The following SS18L1 variants were observed in gnomAD, a reference collection of about 807,000 sequenced individuals.
SS18L1 encodes the protein calcium-responsive transactivator.
A neutral mutation model predicts 70.3 loss-of-function variants in SS18L1; 32 were observed. The observed-to-expected ratio is 0.46, with a 90% CI of 0.34 to 0.61. The LOEUF is 0.61. Ranked by LOEUF, SS18L1 falls within the 20% of genes least tolerant of loss-of-function variation. The probability of loss-of-function intolerance (pLI) is 0.01; values close to 1 mark genes in which losing one functional copy is unlikely to be tolerated. For missense variants in SS18L1, 430 were observed against 542.1 expected (o/e 0.79, Z 2.05); for synonymous variants, 237 against 229.7 (o/e 1.03, Z -0.29).
At position 62,161,999 on chromosome 20, in the gene SS18L1, C is replaced by G. The variant is rs575808929; in HGVS notation, c.376+419C>G. On this transcript the variant is annotated intron_variant, in intron 4 of 10. Coordinates refer to ENST00000331758, the MANE Select transcript of SS18L1 (RefSeq NM_198935.3). This position sits in a 1 kb window ranked among gnomAD's most constrained non-coding sequence, Gnocchi z 4.4. ...CCTTTGTGAGGCCTAAACCAGCAGA[C>G]TACTTGAGGCCAGGAGTTTGAGACC... Among the ~76,000 whole-genome samples, 3 of 152,276 alleles carry G rather than the reference C, an allele frequency of 2.0e-5. No individual in the cohort carries two copies. In the South Asian group the frequency reaches 6.2e-4, roughly 32 times the overall value.
intron 1 of SS18L1, among the ~76,000 whole-genome samples, chr20:62,153,945 C>T (rs147791289): frequency 1.1e-4 from 17 of 152,312 alleles, no homozygotes; most frequent in African/African-American, 3.9e-4. Context: ...GGCATGTTAA[C>T]GCCACCTCAC....
intron 1 of SS18L1, among the ~76,000 whole-genome samples, chr20:62,146,487 A>T (rs1242995624): frequency 6.6e-6 from 1 of 152,000 alleles, no homozygotes; most frequent in Non-Finnish European, 1.5e-5. Flanking sequence ...AGTTCTGGAG[A>T]CCAGAAGTCC....
In SS18L1 at chr20:62,161,281, C is replaced by A; in HGVS notation, c.232-155C>A. On this transcript the variant is annotated intron_variant, in intron 3 of 10. Coordinates refer to ENST00000331758, the MANE Select transcript of SS18L1 (RefSeq NM_198935.3). The surrounding 1 kb of genome is among the most constrained non-coding windows in gnomAD (Gnocchi z 4.4). Reference sequence around the variant, plus strand: ...TCTGGGCCTGGTGCTCTGCGGTCACCTGGCTGTGACGATGGCTGCTGATTA... The same window carrying A: ...TCTGGGCCTGGTGCTCTGCGGTCACATGGCTGTGACGATGGCTGCTGATTA... 1 of 1,046,526 alleles carries A rather than the reference C, an allele frequency of 9.6e-7. No homozygotes were observed. Among genetic ancestry groups the A allele is most frequent in the Non-Finnish European group, 1.4e-6 (1 of 698,450 alleles). The allele number at this position is 1,046,526 out of a possible 1,614,324, so 64.8% of individuals were successfully genotyped here. A position where few individuals can be genotyped will look rare whatever the true frequency, so the allele number is the denominator to read the frequency against.
chr20:62,182,356 CTTG>C lies in SS18L1; in HGVS notation c.*3151_*3153del, dbSNP rs566407566. 5.2e-4 allele frequency: 107 copies of C among 207,318 alleles called. 1 individual carries two copies. Among genetic ancestry groups the C allele is most frequent in the Admixed American group, 3.6e-3 (60 of 16,834 alleles). 12.8% of individuals were successfully genotyped at this position (207,318 alleles called of 1,614,324 possible). On this transcript the variant is annotated 3_prime_UTR_variant, in exon 11 of 11. Transcript: ENST00000331758. ...TATTTATTGAACAGGTCAAATTTGT[CTTG>C]TTATTTGTGAGTACAGTACATTTAA...
chr20:62,144,758 AAGAC>A (rs546638841), intron 1 of SS18L1, among the ~76,000 whole-genome samples: 40 of 152,378 alleles, frequency 2.6e-4, no homozygotes, highest in African/African-American at 8.9e-4. Flanking sequence ...TTTTCTGTAG[AAGAC>A]AGATTCGGAA....
chr20:62,172,578 T>G lies in SS18L1; in HGVS notation c.917-104T>G. Reference sequence around the variant, plus strand: ...AAAATAAACATGCCGAAGCAATGGATTTGGTTTTGGGATTCCAAAGTTACC... The same window carrying G: ...AAAATAAACATGCCGAAGCAATGGAGTTGGTTTTGGGATTCCAAAGTTACC... On this transcript the variant is annotated intron_variant, in intron 8 of 10. Coordinates refer to ENST00000331758, the MANE Select transcript of SS18L1 (RefSeq NM_198935.3). The G allele has an allele frequency of 6.5e-6, 10 of 1,547,606 alleles. No homozygotes were observed. The South Asian group carries it at 1.1e-4, about 18-fold the overall frequency.
chr20:62,162,989 C>G, intron 5 of SS18L1, 58 bp downstream of exon 5: 1 of 1,578,388 alleles, frequency 6.3e-7, no homozygotes, highest in Non-Finnish European at 8.6e-7. Context: ...AGACCCTTGA[C>G]ACATGCACGT....
At position 62,161,636 on chromosome 20, in the gene SS18L1, T is replaced by G. The variant is rs2057332381; in HGVS notation, c.376+56T>G. The G allele has an allele frequency of 1.3e-6, 2 of 1,566,414 alleles. No homozygotes were observed. Among genetic ancestry groups the G allele is most frequent in the African/African-American group, 2.7e-5 (2 of 73,916 alleles). On this transcript the variant is annotated intron_variant, in intron 4 of 10. Transcript: ENST00000331758. This position sits in a 1 kb window ranked among gnomAD's most constrained non-coding sequence, Gnocchi z 4.4. ...GGCTACGAGGCCACCAAGGCAGCCCTTGGGCAGCCGGCTGCCATGGTGGGG... is the reference window on the plus strand; with the variant it reads ...GGCTACGAGGCCACCAAGGCAGCCCGTGGGCAGCCGGCTGCCATGGTGGGG...
chr20:62,145,888 T>C (rs954808377), intron 1 of SS18L1, among the ~76,000 whole-genome samples: 2 of 152,226 alleles, frequency 1.3e-5, no homozygotes, highest in Non-Finnish European at 2.9e-5. Context: ...GTCCACAGTG[T>C]GTGCTGGTAG....
In SS18L1 at chr20:62,158,888, C is replaced by G; in HGVS notation, c.146+140C>G. ...CCCCAGCACGGAGGCCAGATATGTC[C>G]CAGGAGTCCCCTGCACAGAGGCCAG... On this transcript the variant is annotated intron_variant, in intron 2 of 10. Transcript: ENST00000331758. This position sits in a 1 kb window ranked among gnomAD's most constrained non-coding sequence, Gnocchi z 4.5. The G allele has an allele frequency of 3.1e-6, 5 of 1,605,418 alleles. No homozygotes were observed. Among genetic ancestry groups the G allele is most frequent in the Non-Finnish European group, 4.2e-6 (5 of 1,177,170 alleles).
intron 1 of SS18L1, among the ~76,000 whole-genome samples, chr20:62,150,426 G>C (rs994769111): frequency 2.0e-4 from 30 of 152,154 alleles, no homozygotes; most frequent in Non-Finnish European, 8.8e-5. Flanking sequence ...CCAGCTCTCC[G>C]GTTAGCCAGG....
rs759095632 is a variant in SS18L1, at chr20:62,163,991, T to C, written c.722-154T>C. 2.0e-5 allele frequency among the ~76,000 whole-genome samples: 3 copies of C among 152,208 alleles called. No homozygotes were observed. In the East Asian group the frequency reaches 5.8e-4, roughly 29 times the overall value. ...ACATGGTGAAACTCTGTACTAAAAATACAAAACATAAGTTGGATACGATGA... is the reference window on the plus strand; with the variant it reads ...ACATGGTGAAACTCTGTACTAAAAACACAAAACATAAGTTGGATACGATGA... On this transcript the variant is annotated intron_variant, in intron 6 of 10. Coordinates refer to ENST00000331758, the MANE Select transcript of SS18L1 (RefSeq NM_198935.3).
intron 1 of SS18L1, among the ~76,000 whole-genome samples, chr20:62,149,979 C>T (rs577859198): frequency 2.0e-5 from 3 of 152,222 alleles, no homozygotes; most frequent in Non-Finnish European, 4.4e-5. Flanking sequence ...TGTGACAGCC[C>T]AAAGCGCCAT....
intron 10 of SS18L1, among the ~76,000 whole-genome samples, chr20:62,176,391 T>G (rs2057620616): frequency 6.6e-6 from 1 of 152,066 alleles, no homozygotes; most frequent in African/African-American, 2.4e-5. Context: ...TGCATGCCTG[T>G]AATCCCAGCT....
intron 8 of SS18L1, among the ~76,000 whole-genome samples, chr20:62,168,746 C>T (rs544766917): frequency 1.3e-5 from 2 of 152,210 alleles, no homozygotes; most frequent in South Asian, 2.1e-4. Flanking sequence ...CCCGGGAGGT[C>T]GAAGCTGTAC....
chr20:62,178,992 C>T (rs957328131), intron 10 of SS18L1, among the ~76,000 whole-genome samples, 190 bp from the exon 11 acceptor site: 11 of 152,236 alleles, frequency 7.2e-5, no homozygotes, highest in African/African-American at 2.2e-4. Flanking sequence ...GAACCTTTGG[C>T]CCTGTCTACG....
chr20:62,146,473 T>C (rs2057027722), intron 1 of SS18L1, among the ~76,000 whole-genome samples: 1 of 152,158 alleles, frequency 6.6e-6, no homozygotes, highest in African/African-American at 2.4e-5. Context: ...ATCTATTCCC[T>C]CACAGTTCTG....
Position 62,159,904 on chromosome 20 carries a change from G to C in SS18L1, c.174G>C (p.Leu58=), listed in dbSNP as rs758097408. ...TQYQQILHRN[L]VYLATIADSN... Reference sequence around the variant, plus strand: ...ACCAGCAGATCCTGCACCGGAACCTGGTATACCTGGCCACGATCGCAGACT... The same window carrying C: ...ACCAGCAGATCCTGCACCGGAACCTCGTATACCTGGCCACGATCGCAGACT... Residue 58 remains leucine, a synonymous_variant, in exon 3 of 11, where the codon CTG becomes CTC. Coordinates refer to ENST00000331758, the MANE Select transcript of SS18L1 (RefSeq NM_198935.3). The surrounding 1 kb of genome is among the most constrained non-coding windows in gnomAD (Gnocchi z 4.4). 6.8e-6 allele frequency: 11 copies of C among 1,612,514 alleles called. No homozygotes were observed. The East Asian group carries it at 2.0e-4, about 29-fold the overall frequency.
At chr20:62,171,469 T>G (rs1171092700) in intron 8 of SS18L1, among the ~76,000 whole-genome samples, 2 of 152,162 alleles carry the variant, frequency 1.3e-5, no homozygotes, top group African/African-American at 4.8e-5. Context: ...AGAGAATAAC[T>G]GGAAAGGCTC....
Sources: gnomAD v4.1 joint callset for allele counts (sites outside exome capture counted in the v4.1 genomes callset) on GRCh38, gnomAD v4.1.1 for gene constraint, Gnocchi (gnomAD v3.1) non-coding constraint, MANE v1.5 for transcripts, NCBI Gene and HGNC (gene_info 2026-07-23, HGNC 2026-07-21) for gene names.